Variants in CKAP5 observed in about 807,000 individuals in gnomAD.
CKAP5 encodes the protein cytoskeleton associated protein 5, also known as cytoskeleton-associated protein 5.
A neutral mutation model predicts 232.8 loss-of-function variants in CKAP5; 27 were observed. That is an observed-to-expected ratio of 0.12 (90% CI 0.09 to 0.16). The LOEUF (loss-of-function observed/expected upper bound fraction) is 0.16, where lower values mean the gene tolerates loss of function less well. CKAP5 is among the 10% of genes least tolerant of loss of function. CKAP5 has a pLI of 1.00. For missense variants in CKAP5, 1,838 were observed against 2,424.7 expected, an observed-to-expected ratio of 0.76 and a Z score of 5.08; for synonymous variants, 785 against 841.1, an observed-to-expected ratio of 0.93 and a Z score of 1.16.
At chr11:46,834,960 A>G (rs1164826228) in intron 1 of CKAP5, among the ~76,000 whole-genome samples, 1 of 138,140 alleles carries the variant, frequency 7.2e-6, no homozygotes, top group Non-Finnish European at 1.5e-5. Flanking sequence ...ATGCACCACC[A>G]CTCCCAGCTA....
rs200406108 is a variant in CKAP5 at position 46,776,367 on chromosome 11, G to A, written c.2879C>T (p.Ala960Val). 3.0e-4 allele frequency: 479 copies of A among 1,611,836 alleles called. 6 individuals are homozygous for A. Among genetic ancestry groups the A allele is most frequent in the South Asian group, 1.1e-3 (100 of 90,748 alleles). The stretch of plus-strand genomic sequence containing the variant: ...CCAAGCATTCACAGTCGCTAGGGCA[G>A]CAGCTCGAACATTGTTCTAAATGGA... Reference protein sequence around the residue: ...LGDSKNNVRAAALATVNAWAE... With the variant: ...LGDSKNNVRAVALATVNAWAE... Residue 960 changes from alanine (A) to valine (V), a missense_variant, in exon 24 of 44, where the codon GCT becomes GTT. Physicochemically the swap from Ala to Val is moderately conservative, Grantham distance 64. This residue lies in a region of CKAP5 where 767 missense variants were observed against 954.6 expected (regional missense o/e 0.80). Transcript: ENST00000529230.
chr11:46,815,330 G>A lies in CKAP5; in HGVS notation c.458+868C>T, dbSNP rs531103541. Among the ~76,000 whole-genome samples the A allele has an allele frequency of 2.0e-5, 3 of 152,164 alleles. No individual in the cohort carries two copies. In the East Asian group the frequency reaches 5.8e-4, roughly 29 times the overall value. ...CCCAAAGTGCTAGCATTACAGGAGT[G>A]AGCCACTGAGCCTGGCCATATTTAT... On this transcript the variant is annotated intron_variant, in intron 4 of 43. Coordinates refer to ENST00000529230, the MANE Select transcript of CKAP5 (RefSeq NM_001008938.4).
chr11:46,837,058 G>GA (rs1228299392), intron 1 of CKAP5, among the ~76,000 whole-genome samples: 1 of 152,194 alleles, frequency 6.6e-6, no homozygotes, highest in Admixed American at 6.5e-5. Flanking sequence ...AGTGGAGTCT[G>GA]AAAGATTAAG....
At chr11:46,748,414 G>C (rs1264472063) in intron 42 of CKAP5, among the ~76,000 whole-genome samples, 1 of 152,204 alleles carries the variant, frequency 6.6e-6, no homozygotes, top group African/African-American at 2.4e-5. Context: ...AGGAAGAGAA[G>C]ACTCAAAAGC....
At chr11:46,745,808 TG>T (rs959897113) in intron 42 of CKAP5, among the ~76,000 whole-genome samples, 13 of 151,738 alleles carry the variant, frequency 8.6e-5, no homozygotes, top group African/African-American at 1.2e-4. Flanking sequence ...AAAAATTAGC[TG>T]GGGGTGGTGG....
At chr11:46,780,034 C>A (rs1215836440) in intron 20 of CKAP5, among the ~76,000 whole-genome samples, 160 bp downstream of exon 20, 2 of 152,156 alleles carry the variant, frequency 1.3e-5, no homozygotes, top group Non-Finnish European at 2.9e-5. Context: ...ACCCAACTGG[C>A]ATAGCACACT....
chr11:46,831,950 G>A (rs766183579), intron 1 of CKAP5, among the ~76,000 whole-genome samples: 1 of 144,666 alleles, frequency 6.9e-6, no homozygotes. Flanking sequence ...CTGCAGCCTC[G>A]ACTTCCGGGG....
chr11:46,792,565 A>AAAT (rs1555165140), intron 13 of CKAP5, among the ~76,000 whole-genome samples: 1 of 151,972 alleles, frequency 6.6e-6, no homozygotes, highest in African/African-American at 2.4e-5. Flanking sequence ...AAAAAAACAA[A>AAAT]AACAACAACA....
chr11:46,744,570 G>A lies in CKAP5; in HGVS notation c.5712C>T (p.Ser1904=). The A allele has an allele frequency of 1.9e-6, 3 of 1,613,940 alleles. No homozygotes were observed. The highest frequency in any genetic ancestry group is 2.2e-5 in the East Asian group (1 of 44,870). The change falls in exon 43 of 44, where the codon TCC becomes TCT. Residue 1904 remains serine, a synonymous_variant. Transcript: ENST00000529230. ...GCACACATGTGACTTCCATCTGAGGGGAGATGCCTAGAGGGGAAAAAGTAG... is the reference window on the plus strand; with the variant it reads ...GCACACATGTGACTTCCATCTGAGGAGAGATGCCTAGAGGGGAAAAAGTAG... ...KGRISTSTGI[S]PQMEVTCVPT...
chr11:46,833,469 GTTA>G (rs1220756842), intron 1 of CKAP5, among the ~76,000 whole-genome samples: 1 of 147,346 alleles, frequency 6.8e-6, no homozygotes, highest in East Asian at 2.1e-4. Context: ...CTATATTATT[GTTA>G]TTATTATTAA....
At chr11:46,817,867 G>T (rs948703854) in intron 3 of CKAP5, among the ~76,000 whole-genome samples, 18 of 152,018 alleles carry the variant, frequency 1.2e-4, no homozygotes, top group African/African-American at 4.3e-4. Flanking sequence ...ATGAACAAAG[G>T]GAGAAAGACA....
intron 1 of CKAP5, among the ~76,000 whole-genome samples, chr11:46,827,741 C>A (rs1939688052): frequency 6.6e-6 from 1 of 152,078 alleles, no homozygotes; most frequent in Admixed American, 6.5e-5. Flanking sequence ...TCTTGCATGC[C>A]AATACAATTG....
At chr11:46,839,895 T>G (rs1940009762) in intron 1 of CKAP5, among the ~76,000 whole-genome samples, 1 of 152,050 alleles carries the variant, frequency 6.6e-6, no homozygotes, top group South Asian at 2.1e-4. Flanking sequence ...CCCCAGCAAT[T>G]TGGGAGGGTA....
intron 35 of CKAP5, among the ~76,000 whole-genome samples, chr11:46,758,326 T>C (rs2065126632): frequency 6.6e-6 from 1 of 151,956 alleles, no homozygotes; most frequent in Non-Finnish European, 1.5e-5. Context: ...GATATCAGAG[T>C]TTTCCTGATC....
At chr11:46,760,565 G>A (rs1188507345) in intron 33 of CKAP5, 47 bp downstream of exon 33, 1 of 1,585,142 alleles carries the variant, frequency 6.3e-7, no homozygotes, top group Non-Finnish European at 8.6e-7. Context: ...AGCACACAAG[G>A]CAAAGGCCAT....
chr11:46,807,977 A>C (rs1939194161), intron 8 of CKAP5, 54 bp downstream of exon 8: 2 of 1,276,126 alleles, frequency 1.6e-6, no homozygotes, highest in African/African-American at 3.0e-5. Flanking sequence ...CTGATGAGAA[A>C]TTCAAAGGCC....
At chr11:46,758,821 C>T in intron 35 of CKAP5, 102 bp downstream of exon 35, 1 of 1,306,294 alleles carries the variant, frequency 7.7e-7, no homozygotes, top group Non-Finnish European at 1.1e-6. Context: ...TGAAACACTG[C>T]CTGCATCCCC....
chr11:46,777,523 T>C lies in CKAP5; in HGVS notation c.2778A>G (p.Gln926=), dbSNP rs1167623220. ...TATTTGGGCCCATGGCTACTGCCAGTTGTTGCAGGATATTCAGCGTTTGCT... is the reference window on the plus strand; with the variant it reads ...TATTTGGGCCCATGGCTACTGCCAGCTGTTGCAGGATATTCAGCGTTTGCT... ...LVQQTLNILQ[Q]LAVAMGPNIK... Residue 926 remains glutamine, a synonymous_variant, in exon 23 of 44, where the codon CAA becomes CAG. Transcript: ENST00000529230. 4.3e-6 allele frequency: 7 copies of C among 1,613,708 alleles called. No individual in the cohort carries two copies. Among genetic ancestry groups the C allele is most frequent in the Non-Finnish European group, 5.9e-6 (7 of 1,179,766 alleles).
rs868492624 is a variant in CKAP5, at chr11:46,780,251, C to T, written c.2376G>A (p.Met792Ile). ...GGGCAGGCTTCTCATCCTCAAAGAA[C>T]ATTCGCAAAGAGGGACCAACATACA... ...MYLYVGPSLRMFFEDEKPALL... is the reference protein window; with the variant it reads ...MYLYVGPSLRIFFEDEKPALL... The change falls in exon 20 of 44, where the codon ATG (methionine) becomes ATA (isoleucine). Residue 792 changes from methionine to isoleucine, a missense_variant. Transcript: ENST00000529230. 6.2e-7 allele frequency: 1 copy of T among 1,614,058 alleles called. No individual in the cohort carries two copies. Among genetic ancestry groups the T allele is most frequent in the Middle Eastern group, 1.6e-4 (1 of 6,062 alleles).
Sources: allele counts gnomAD v4.1 joint callset (sites outside exome capture counted in the v4.1 genomes callset), GRCh38; gene constraint gnomAD v4.1.1; regional missense constraint gnomAD v4.1.1; transcripts MANE v1.5; gene names NCBI Gene and HGNC (gene_info 2026-07-23, HGNC 2026-07-21).